The following TPRG1 variants were observed in gnomAD, a reference collection of about 807,000 sequenced individuals.
TPRG1 encodes the protein tumor protein p63 regulated 1.
TPRG1 carries 29 observed loss-of-function variants against 29.3 expected under a neutral mutation model. The ratio of observed to expected loss-of-function variants is 0.99; its 90% CI spans 0.74 to 1.35. TPRG1 has a LOEUF of 1.35. Ranked by LOEUF, TPRG1 falls within the 40% of genes most tolerant of loss-of-function variation. The probability of loss-of-function intolerance (pLI) is 0.00; values close to 1 mark genes in which losing one functional copy is unlikely to be tolerated. For missense variants in TPRG1, 327 were observed against 335.0 expected (o/e 0.98, Z 0.19); for synonymous variants, 130 against 116.8 (o/e 1.11, Z -0.73).
chr3:189,056,437 TTG>T (rs1043970235), intron 4 of TPRG1, among the ~76,000 whole-genome samples: 1 of 152,016 alleles, frequency 6.6e-6, no homozygotes, highest in Non-Finnish European at 1.5e-5. Flanking sequence ...TCCCCCTTAT[TTG>T]TGTGTGATTC....
intron 5 of TPRG1, chr3:189,151,216 C>G (rs896210004): frequency 9.6e-6 from 1 of 104,002 alleles, no homozygotes; most frequent in East Asian, 2.5e-4. Flanking sequence ...GGTCCCTTAA[C>G]ACCAGTCGTC....
chr3:189,043,248 A>G (rs1714744558), intron 4 of TPRG1, among the ~76,000 whole-genome samples: 1 of 152,216 alleles, frequency 6.6e-6, no homozygotes, highest in Non-Finnish European at 1.5e-5. Flanking sequence ...TAAACATAAA[A>G]TTCTTTCTTT....
chr3:189,295,611 G>C (rs1261915876), intron 4 of TPRG1, among the ~76,000 whole-genome samples: 1 of 146,768 alleles, frequency 6.8e-6, no homozygotes. Context: ...CTGTAGAAAT[G>C]TGTGGGGATA....
chr3:189,171,289 T>C (rs1310910435), upstream of TPRG1, among the ~76,000 whole-genome samples: 1 of 152,238 alleles, frequency 6.6e-6, no homozygotes, highest in Non-Finnish European at 1.5e-5. Context: ...CTCAGAAAGA[T>C]AGATTATGAC....
chr3:189,147,498 A>C (rs535412488), intron 3 of TPRG1: 2 of 152,332 alleles, frequency 1.3e-5, no homozygotes, highest in South Asian at 4.1e-4. Flanking sequence ...AAAGAAGTGG[A>C]AATTGAGACT....
chr3:189,256,006 A>G (rs530236566), intron 4 of TPRG1, among the ~76,000 whole-genome samples: 3 of 151,406 alleles, frequency 2.0e-5, no homozygotes, highest in South Asian at 2.1e-4. Context: ...TTGTGTCTCT[A>G]TCTCCTTCAG....
intron 4 of TPRG1, among the ~76,000 whole-genome samples, chr3:189,059,922 TTCA>T (rs1302415856): frequency 6.6e-6 from 1 of 152,112 alleles, no homozygotes; most frequent in African/African-American, 2.4e-5. Context: ...TTCAATAAAA[TTCA>T]ACATTCCTTC....
chr3:189,126,519 TC>T (rs1225784851), intron 1 of TPRG1, among the ~76,000 whole-genome samples: 1 of 152,234 alleles, frequency 6.6e-6, no homozygotes. Context: ...GAGAATTCCT[TC>T]ATGTGTATGA....
chr3:189,230,909 C>T (rs975915842), intron 3 of TPRG1, among the ~76,000 whole-genome samples: 18 of 152,256 alleles, frequency 1.2e-4, no homozygotes, highest in South Asian at 8.3e-4. Flanking sequence ...CTATTAATAT[C>T]ATCCTGAGCT....
chr3:189,221,644 G>A (rs1195480678), intron 3 of TPRG1, among the ~76,000 whole-genome samples: 2 of 152,174 alleles, frequency 1.3e-5, no homozygotes, highest in Non-Finnish European at 2.9e-5. Flanking sequence ...AAAAAGAAGA[G>A]CAGCCTGGGA....
In TPRG1 at chr3:189,022,124, T is replaced by G. The variant is rs576725632; in HGVS notation, c.-659-1626T>G. Among the ~76,000 whole-genome samples the G allele has an allele frequency of 1.6e-4, 25 of 152,292 alleles. No homozygotes were observed. The East Asian group carries it at 3.9e-3, about 24-fold the overall frequency. On this transcript the variant is annotated intron_variant, in intron 3 of 10. Coordinates refer to the TPRG1 transcript ENST00000433971. ...TTCTCTGTATTGGTTATTCTAGTTA[T>G]ACATTCTTCCAAATTTTTTTCAAAG...
intron 4 of TPRG1, among the ~76,000 whole-genome samples, chr3:189,309,243 G>A (rs940198598): frequency 4.6e-5 from 7 of 151,684 alleles, no homozygotes; most frequent in East Asian, 3.9e-4. Context: ...GTTGGGGAGC[G>A]GAGTGTTATA....
rs574331256 is a variant in TPRG1 at position 189,026,558 on chromosome 3, C to T, written c.-463+2612C>T. On this transcript the variant is annotated intron_variant, in intron 4 of 10. Coordinates refer to the TPRG1 transcript ENST00000433971. ...TTTTTTCTTTCCACATGGACGAGAA[C>T]ATTGAGATGGAAAAATCAAAACCAT... 5.3e-5 allele frequency among the ~76,000 whole-genome samples: 8 copies of T among 152,186 alleles called. No individual in the cohort carries two copies. The South Asian group carries it at 1.7e-3, about 32-fold the overall frequency.
chr3:189,117,531 C>T (rs1238733720), intron 1 of TPRG1, among the ~76,000 whole-genome samples: 1 of 152,196 alleles, frequency 6.6e-6, no homozygotes, highest in African/African-American at 2.4e-5. Flanking sequence ...TGGGTTCAGG[C>T]AGTGACATGG....
intron 1 of TPRG1, among the ~76,000 whole-genome samples, chr3:189,179,208 C>T (rs992314252): frequency 1.3e-5 from 2 of 152,178 alleles, no homozygotes; most frequent in Admixed American, 6.5e-5. Context: ...TTACATGGAG[C>T]TGCAACCATA....
intron 2 of TPRG1, among the ~76,000 whole-genome samples, chr3:189,208,961 T>C (rs184065719): frequency 2.2e-4 from 33 of 152,256 alleles, no homozygotes; most frequent in Middle Eastern, 3.4e-3. Context: ...GGCCAATCAG[T>C]TGGCAGTTGT....
chr3:189,295,897 T>C (rs1032364886), intron 4 of TPRG1, among the ~76,000 whole-genome samples: 2 of 130,724 alleles, frequency 1.5e-5, no homozygotes, highest in Admixed American at 8.8e-5. Flanking sequence ...CTTAGTTTCA[T>C]TTTAAAATGA....
At chr3:189,139,693 T>C (rs1311385348) in intron 3 of TPRG1, among the ~76,000 whole-genome samples, 5 of 147,160 alleles carry the variant, frequency 3.4e-5, no homozygotes, top group Non-Finnish European at 7.5e-5. Flanking sequence ...CAAAAAAAAA[T>C]GTTAGTCGTA....
At chr3:189,076,768 A>G (rs1200141943) in intron 4 of TPRG1, among the ~76,000 whole-genome samples, 3 of 152,140 alleles carry the variant, frequency 2.0e-5, no homozygotes, top group African/African-American at 7.2e-5. Context: ...CCACCTAGGC[A>G]AATGTATCAC....
Sources: allele counts gnomAD v4.1 joint callset (sites outside exome capture counted in the v4.1 genomes callset), GRCh38; gene constraint gnomAD v4.1.1; transcripts MANE v1.5; gene names NCBI Gene and HGNC (gene_info 2026-07-23, HGNC 2026-07-21).